STIM1: variants seen among roughly 807,000 people sequenced by gnomAD.
STIM1 encodes the protein stromal interaction molecule 1.
STIM1 carries 25 observed loss-of-function variants against 74.7 expected under a neutral mutation model. That is an observed-to-expected ratio of 0.33 (90% CI 0.24 to 0.47). The LOEUF (loss-of-function observed/expected upper bound fraction) is 0.47. Among genes scored for constraint, STIM1 ranks in the 20% least tolerant of loss-of-function variants. The pLI, the probability that STIM1 is intolerant of heterozygous loss-of-function variation, is 1.00. For missense variants in STIM1, 728 were observed against 920.8 expected (o/e 0.79, Z 2.71); for synonymous variants, 328 against 348.8 (o/e 0.94, Z 0.66).
At chr11:3,932,125 A>G (rs1017665652) in intron 1 of STIM1, among the ~76,000 whole-genome samples, 1 of 152,272 alleles carries the variant, frequency 6.6e-6, no homozygotes, top group African/African-American at 2.4e-5. Flanking sequence ...CTACTGGACC[A>G]TATCTGTACA....
intron 1 of STIM1, among the ~76,000 whole-genome samples, chr11:3,915,551 A>C (rs868862797): frequency 2.6e-5 from 4 of 151,742 alleles, no homozygotes; most frequent in Middle Eastern, 3.4e-3. Flanking sequence ...GCGCCCACCA[A>C]CACGCCTGGC....
At position 4,091,832 on chromosome 11, in the gene STIM1, C is replaced by T. The variant is rs2094527188; in HGVS notation, c.*34C>T. On this transcript the variant is annotated 3_prime_UTR_variant, in exon 13 of 13. Transcript: ENST00000526596. ...GGGTGGCAGTAAAGGGACAGCTTGTCCTTCCCTGGGTGTTCTGTCTCTCCT... is the reference window on the plus strand; with the variant it reads ...GGGTGGCAGTAAAGGGACAGCTTGTTCTTCCCTGGGTGTTCTGTCTCTCCT... The T allele has an allele frequency of 1.3e-6, 2 of 1,599,338 alleles. No individual in the cohort carries two copies. Among genetic ancestry groups the T allele is most frequent in the Non-Finnish European group, 1.7e-6 (2 of 1,179,800 alleles).
chr11:4,069,613 T>C (rs2094390849), intron 5 of STIM1, among the ~76,000 whole-genome samples: 1 of 152,176 alleles, frequency 6.6e-6, no homozygotes, highest in African/African-American at 2.4e-5. Flanking sequence ...ATATCCTTTA[T>C]ACCAGTCATC....
chr11:3,951,780 G>C (rs1189227458), intron 1 of STIM1, among the ~76,000 whole-genome samples: 1 of 152,136 alleles, frequency 6.6e-6, no homozygotes, highest in Non-Finnish European at 1.5e-5. Flanking sequence ...CCAGCAGAAA[G>C]CCATTTGAGG....
At chr11:3,881,346 C>A (rs1207721457) in intron 1 of STIM1, among the ~76,000 whole-genome samples, 1 of 151,932 alleles carries the variant, frequency 6.6e-6, no homozygotes, top group African/African-American at 2.4e-5. Context: ...ATCATATGAT[C>A]TATTGATCAT....
At chr11:4,006,625 G>A (rs1306335023) in intron 2 of STIM1, among the ~76,000 whole-genome samples, 1 of 152,142 alleles carries the variant, frequency 6.6e-6, no homozygotes, top group Non-Finnish European at 1.5e-5. Flanking sequence ...TGTTGGCCAG[G>A]CTGGTCTTGA....
At chr11:3,931,248 T>C (rs963381755) in intron 1 of STIM1, among the ~76,000 whole-genome samples, 4 of 151,968 alleles carry the variant, frequency 2.6e-5, no homozygotes, top group Admixed American at 1.3e-4. Flanking sequence ...GCTGGAAGAG[T>C]ATGCAAAGGC....
chr11:4,063,076 C>A (rs1337981490), intron 5 of STIM1, among the ~76,000 whole-genome samples: 1 of 151,872 alleles, frequency 6.6e-6, no homozygotes, highest in Non-Finnish European at 1.5e-5. Context: ...TCCATAGAGA[C>A]AGAAAATAGA....
chr11:3,892,392 T>C (rs1004998290), intron 1 of STIM1: 3 of 1,424,596 alleles, frequency 2.1e-6, no homozygotes, highest in East Asian at 2.3e-5. Context: ...GTCAAACTTA[T>C]TAAGAGTTGT....
intron 2 of STIM1, chr11:3,972,874 T>G: frequency 2.0e-6 from 1 of 489,836 alleles, no homozygotes; most frequent in South Asian, 1.5e-5. Context: ...TTGGCCAGTA[T>G]AGAATCCAGA....
intron 2 of STIM1, among the ~76,000 whole-genome samples, chr11:4,004,568 C>A (rs1267209351): frequency 6.6e-6 from 1 of 151,324 alleles, no homozygotes; most frequent in African/African-American, 2.4e-5. Context: ...TTCCTTATAC[C>A]TTATACAAAA....
At chr11:3,927,918 A>G (rs1380719010) in intron 1 of STIM1, among the ~76,000 whole-genome samples, 1 of 152,200 alleles carries the variant, frequency 6.6e-6, no homozygotes, top group African/African-American at 2.4e-5. Flanking sequence ...AGCAGCTACA[A>G]TAGCCTGATG....
At chr11:3,861,972 G>A (rs1359616908) in intron 1 of STIM1, among the ~76,000 whole-genome samples, 1 of 152,092 alleles carries the variant, frequency 6.6e-6, no homozygotes, top group Non-Finnish European at 1.5e-5. Context: ...TGGGCATGCT[G>A]TGGTACATTT....
rs111741858 is a variant in STIM1, at chr11:4,021,931, T to C, written c.271-1942T>C. Reference sequence around the variant, plus strand: ...TTAAATTTATTCTTAGGTATTTTATTATTTTTTGTAGCTATTGTAAATGGG... The same window carrying C: ...TTAAATTTATTCTTAGGTATTTTATCATTTTTTGTAGCTATTGTAAATGGG... On this transcript the variant is annotated intron_variant, in intron 2 of 12. Coordinates refer to ENST00000526596, the MANE Select transcript of STIM1 (RefSeq NM_001382567.1). Among the ~76,000 whole-genome samples the C allele has an allele frequency of 7.4e-4, 112 of 152,330 alleles. 1 individual carries two copies. The highest frequency in any genetic ancestry group is 1.4e-3 in the Non-Finnish European group (95 of 68,036).
Position 3,856,146 on chromosome 11 carries a change from G to A in STIM1, c.-125G>A. Reference sequence around the variant, plus strand: ...GGAGGGGGCAGGCTCGCGGGTGGCTGGACAGCTGCGGAGCCGCGAGGGCAT... The same window carrying A: ...GGAGGGGGCAGGCTCGCGGGTGGCTAGACAGCTGCGGAGCCGCGAGGGCAT... On this transcript the variant is annotated 5_prime_UTR_variant, in exon 1 of 13. Coordinates refer to ENST00000526596, the MANE Select transcript of STIM1 (RefSeq NM_001382567.1). The A allele has an allele frequency of 1.5e-6, 2 of 1,326,718 alleles. No homozygotes were observed. Among genetic ancestry groups the A allele is most frequent in the East Asian group, 2.3e-5 (1 of 42,922 alleles). 82.2% of individuals were successfully genotyped at this position (1,326,718 alleles called of 1,614,324 possible).
intron 1 of STIM1, among the ~76,000 whole-genome samples, chr11:3,877,241 A>G (rs1435478636): frequency 7.2e-6 from 1 of 138,054 alleles, no homozygotes; most frequent in Non-Finnish European, 1.7e-5. Context: ...CCTACAGAAC[A>G]ACATTATTAT....
At chr11:3,879,957 A>T (rs1275088021) in intron 1 of STIM1, among the ~76,000 whole-genome samples, 1 of 152,110 alleles carries the variant, frequency 6.6e-6, no homozygotes, top group Non-Finnish European at 1.5e-5. Context: ...TATTAGGATT[A>T]ATGTTGAACT....
chr11:3,921,456 C>T (rs1205814371), intron 1 of STIM1, among the ~76,000 whole-genome samples: 1 of 152,156 alleles, frequency 6.6e-6, no homozygotes, highest in Non-Finnish European at 1.5e-5. Context: ...GATACCTGGA[C>T]CATCTGGCCA....
At chr11:3,884,488 A>G (rs1420038927) in intron 1 of STIM1, among the ~76,000 whole-genome samples, 1 of 152,178 alleles carries the variant, frequency 6.6e-6, no homozygotes, top group East Asian at 1.9e-4. Flanking sequence ...ACACTGACTT[A>G]TGCAGTCCTG....
Sources: gnomAD v4.1 joint callset for allele counts (sites outside exome capture counted in the v4.1 genomes callset) on GRCh38, gnomAD v4.1.1 for gene constraint, MANE v1.5 for transcripts, NCBI Gene and HGNC (gene_info 2026-07-23, HGNC 2026-07-21) for gene names.